Variants in AGBL4 observed in about 807,000 individuals in gnomAD.
The protein encoded by AGBL4 is AGBL carboxypeptidase 4.
Under a neutral mutation model 66.4 loss-of-function variants are expected in AGBL4, and 58 were observed. The observed-to-expected ratio is 0.87, with a 90% CI of 0.71 to 1.09. The LOEUF (loss-of-function observed/expected upper bound fraction) is 1.09. AGBL4 is among the 50% of genes least tolerant of loss of function. The pLI is 0.00. For missense variants in AGBL4, 579 were observed against 631.0 expected, an observed-to-expected ratio of 0.92 and a Z score of 0.88; for synonymous variants, 234 against 222.9, an observed-to-expected ratio of 1.05 and a Z score of -0.44.
chr1:49,761,032 A>G (rs561898226), intron 2 of AGBL4, among the ~76,000 whole-genome samples: 6 of 152,044 alleles, frequency 3.9e-5, no homozygotes, highest in Non-Finnish European at 8.8e-5. Context: ...GGGTGGGGGT[A>G]ATGGGAGGGA....
intron 3 of AGBL4, among the ~76,000 whole-genome samples, chr1:49,258,154 G>A (rs919065084): frequency 6.6e-6 from 1 of 152,144 alleles, no homozygotes; most frequent in African/African-American, 2.4e-5. Flanking sequence ...AAACCCATCT[G>A]TACATCACCA....
chr1:48,971,454 C>A (rs993416123), intron 5 of AGBL4, among the ~76,000 whole-genome samples: 2 of 151,976 alleles, frequency 1.3e-5, no homozygotes, highest in African/African-American at 4.8e-5. Flanking sequence ...GTGATACATA[C>A]ACATGATGAA....
At chr1:49,928,294 A>G (rs1288461133) in intron 1 of AGBL4, among the ~76,000 whole-genome samples, 1 of 152,052 alleles carries the variant, frequency 6.6e-6, no homozygotes, top group Non-Finnish European at 1.5e-5. Context: ...CTCTGTCGCC[A>G]GGCTGGAGTG....
intron 5 of AGBL4, among the ~76,000 whole-genome samples, chr1:49,027,523 G>C (rs147162151): frequency 6.6e-6 from 1 of 152,032 alleles, no homozygotes; most frequent in Non-Finnish European, 1.5e-5. Flanking sequence ...ACCATGACCT[G>C]CTCAAATTCC....
At chr1:49,862,133 G>A (rs1186732237) in intron 1 of AGBL4, among the ~76,000 whole-genome samples, 1 of 152,046 alleles carries the variant, frequency 6.6e-6, no homozygotes, top group Non-Finnish European at 1.5e-5. Context: ...GTAACTCAAA[G>A]AAATCCAAGA....
chr1:48,580,771 T>C (rs1644727591), intron 11 of AGBL4, among the ~76,000 whole-genome samples: 1 of 152,194 alleles, frequency 6.6e-6, no homozygotes, highest in Non-Finnish European at 1.5e-5. Context: ...ACCTGTTACA[T>C]ATTTCACAAA....
intron 3 of AGBL4, among the ~76,000 whole-genome samples, chr1:49,441,643 A>T (rs1197526884): frequency 1.3e-5 from 2 of 152,160 alleles, no homozygotes; most frequent in Non-Finnish European, 2.9e-5. Flanking sequence ...AGAGCCCTAT[A>T]ATTTCTCTTC....
intron 5 of AGBL4, among the ~76,000 whole-genome samples, chr1:48,890,456 T>A (rs1486508462): frequency 6.6e-6 from 1 of 152,210 alleles, no homozygotes. Flanking sequence ...AATCTATGTA[T>A]ATATTCTTGC....
chr1:48,799,927 T>C (rs1481036678), intron 6 of AGBL4, among the ~76,000 whole-genome samples: 1 of 152,240 alleles, frequency 6.6e-6, no homozygotes, highest in African/African-American at 2.4e-5. Context: ...TTTTTCCATC[T>C]ATGTTCATCA....
chr1:49,039,111 C>T (rs1664898591), intron 5 of AGBL4, among the ~76,000 whole-genome samples: 1 of 151,974 alleles, frequency 6.6e-6, no homozygotes, highest in Non-Finnish European at 1.5e-5. Context: ...ATACAAATTT[C>T]AACTATATGG....
chr1:49,605,121 A>G lies in AGBL4; in HGVS notation c.282+92192T>C, dbSNP rs1200285515. On this transcript the variant is annotated intron_variant, in intron 3 of 13. Coordinates refer to ENST00000371839, the MANE Select transcript of AGBL4 (RefSeq NM_032785.4). The stretch of plus-strand genomic sequence containing the variant: ...AAAAGGTTAGGTAAATGACTTGCCC[A>G]AGGTCACAAAGCTGTGGAGTTTTAA... 2.6e-5 allele frequency among the ~76,000 whole-genome samples: 4 copies of G among 152,252 alleles called. No homozygotes were observed. In the East Asian group the frequency reaches 7.7e-4, roughly 29 times the overall value.
chr1:49,081,683 G>GA (rs1285485172), intron 4 of AGBL4, among the ~76,000 whole-genome samples: 1 of 152,138 alleles, frequency 6.6e-6, no homozygotes, highest in Non-Finnish European at 1.5e-5. Flanking sequence ...TATTCTTTAA[G>GA]AAAAAGGCAC....
chr1:49,344,241 G>A (rs1364105535), intron 3 of AGBL4, among the ~76,000 whole-genome samples: 1 of 151,994 alleles, frequency 6.6e-6, no homozygotes, highest in African/African-American at 2.4e-5. Flanking sequence ...GACTACTGGA[G>A]TGTGGCACAT....
intron 4 of AGBL4, among the ~76,000 whole-genome samples, chr1:49,112,912 A>T (rs913224776): frequency 3.9e-5 from 6 of 151,998 alleles, no homozygotes; most frequent in Admixed American, 3.3e-4. Context: ...GTGAATGCTG[A>T]TACTTTGACC....
At chr1:48,977,282 T>C (rs1281359159) in intron 5 of AGBL4, among the ~76,000 whole-genome samples, 3 of 152,134 alleles carry the variant, frequency 2.0e-5, no homozygotes, top group Non-Finnish European at 4.4e-5. Context: ...TAAAAATTGG[T>C]GTCTAAAAAT....
chr1:48,586,888 C>T (rs1427414654), intron 11 of AGBL4, 116 bp downstream of exon 11: 3 of 1,367,720 alleles, frequency 2.2e-6, no homozygotes, highest in Admixed American at 3.7e-5. Flanking sequence ...CACCTCCATC[C>T]TCACCTGAGA....
At chr1:49,097,831 A>G (rs944540214) in intron 4 of AGBL4, among the ~76,000 whole-genome samples, 1 of 152,160 alleles carries the variant, frequency 6.6e-6, no homozygotes, top group African/African-American at 2.4e-5. Context: ...TCTGCCCACC[A>G]TGGCCTCCCT....
chr1:49,863,080 G>A (rs1328806479), intron 1 of AGBL4, among the ~76,000 whole-genome samples: 1 of 152,080 alleles, frequency 6.6e-6, no homozygotes, highest in African/African-American at 2.4e-5. Context: ...GCATGGTACT[G>A]ACATAAAAAC....
chr1:48,620,439 G>T (rs1441990879), intron 9 of AGBL4, among the ~76,000 whole-genome samples: 1 of 151,866 alleles, frequency 6.6e-6, no homozygotes, highest in Non-Finnish European at 1.5e-5. Flanking sequence ...ATCATGCTCG[G>T]CTTTTAAAAT....
Sources: allele counts gnomAD v4.1 joint callset (sites outside exome capture counted in the v4.1 genomes callset), GRCh38; gene constraint gnomAD v4.1.1; transcripts MANE v1.5; gene names NCBI Gene and HGNC (gene_info 2026-07-23, HGNC 2026-07-21).